ARF3: variants seen among roughly 807,000 people sequenced by gnomAD.
ARF3 encodes ADP-ribosylation factor 3.
In ARF3, 5 loss-of-function variants were observed where a neutral mutation model predicts 19.3. That is an observed-to-expected ratio of 0.26 (90% CI 0.14 to 0.54). The LOEUF (loss-of-function observed/expected upper bound fraction) is 0.54, where lower values mean the gene tolerates loss of function less well. Ranked by LOEUF, ARF3 falls within the 20% of genes least tolerant of loss-of-function variation. ARF3 has a pLI of 0.95. For synonymous variants in ARF3, 71 were observed against 89.2 expected (o/e 0.80, Z 1.15); for missense variants, 77 against 234.2 (o/e 0.33, Z 4.38).
chr12:48,941,938 GC>G (rs1319411648), intron 1 of ARF3, among the ~76,000 whole-genome samples: 4 of 152,178 alleles, frequency 2.6e-5, no homozygotes, highest in Admixed American at 2.6e-4. Flanking sequence ...CAAGGAGGGG[GC>G]TGTCCCACAT....
At chr12:48,947,054 A>G (rs1940370470) in intron 1 of ARF3, among the ~76,000 whole-genome samples, 1 of 152,224 alleles carries the variant, frequency 6.6e-6, no homozygotes, top group Non-Finnish European at 1.5e-5. Flanking sequence ...TATCACTAAG[A>G]GATGCTATTT....
chr12:48,949,584 TC>T (rs1940426947), intron 1 of ARF3, among the ~76,000 whole-genome samples: 1 of 151,884 alleles, frequency 6.6e-6, no homozygotes, highest in Non-Finnish European at 1.5e-5. Flanking sequence ...ACTCTACCAC[TC>T]AGACTAGAGT....
chr12:48,949,565 CAG>C (rs1308982345), intron 1 of ARF3, among the ~76,000 whole-genome samples: 2 of 151,860 alleles, frequency 1.3e-5, no homozygotes, highest in African/African-American at 4.8e-5. Flanking sequence ...TTTTTAGAAA[CAG>C]AGTCTCACTC....
At chr12:48,951,597 A>T (rs892340003) in intron 1 of ARF3, among the ~76,000 whole-genome samples, 3 of 132,908 alleles carry the variant, frequency 2.3e-5, no homozygotes, top group African/African-American at 8.4e-5. Flanking sequence ...AATAATAAAT[A>T]GGCCGGGCGC....
At chr12:48,940,394 C>T (rs1415703750) in intron 2 of ARF3, among the ~76,000 whole-genome samples, 1 of 152,192 alleles carries the variant, frequency 6.6e-6, no homozygotes, top group African/African-American at 2.4e-5. Flanking sequence ...TTGGTGCTCC[C>T]TCCTACAAAA....
chr12:48,939,754 A>G lies in ARF3; in HGVS notation c.285T>C (p.Asn95=). 1 of 1,614,130 alleles carries G rather than the reference A, an allele frequency of 6.2e-7. No homozygotes were observed. Among genetic ancestry groups the G allele is most frequent in the Non-Finnish European group, 8.5e-7 (1 of 1,180,030 alleles). ...GGGCCTCATTTACTCGCTCCCGATCATTGCTGTCGACCACAAATATCAACC... is the reference window on the plus strand; with the variant it reads ...GGGCCTCATTTACTCGCTCCCGATCGTTGCTGTCGACCACAAATATCAACC... ...TQGLIFVVDS[N]DRERVNEARE... Residue 95 remains asparagine (N), a synonymous_variant, in exon 4 of 5, where the codon AAT becomes AAC. Coordinates refer to ENST00000256682, the MANE Select transcript of ARF3 (RefSeq NM_001659.3). The surrounding 1 kb of genome is among the most constrained non-coding windows in gnomAD (Gnocchi z 4.8).
chr12:48,947,232 AT>A (rs1311492846), intron 1 of ARF3, among the ~76,000 whole-genome samples: 1 of 151,834 alleles, frequency 6.6e-6, no homozygotes, highest in African/African-American at 2.4e-5. Context: ...TATCTGAACT[AT>A]TTCGACTAGA....
At chr12:48,949,225 TTTG>T (rs1290241121) in intron 1 of ARF3, among the ~76,000 whole-genome samples, 2 of 152,018 alleles carry the variant, frequency 1.3e-5, no homozygotes, top group Non-Finnish European at 2.9e-5. Flanking sequence ...TGTTTGTTTG[TTTG>T]TTGTTGTTGT....
chr12:48,942,031 G>A (rs1592239721), intron 1 of ARF3, among the ~76,000 whole-genome samples: 1 of 152,178 alleles, frequency 6.6e-6, no homozygotes, highest in East Asian at 1.9e-4. Flanking sequence ...ATAGCATCTA[G>A]GGTGGTTTTA....
intron 1 of ARF3, among the ~76,000 whole-genome samples, chr12:48,942,114 C>T (rs1308721477): frequency 1.3e-5 from 2 of 152,126 alleles, no homozygotes; most frequent in African/African-American, 4.8e-5. Flanking sequence ...TTCAGTAAAA[C>T]CCAAGGCCCA....
intron 1 of ARF3, among the ~76,000 whole-genome samples, chr12:48,952,821 C>T (rs1164656585): frequency 2.6e-5 from 4 of 152,332 alleles, no homozygotes; most frequent in Non-Finnish European, 4.4e-5. Context: ...GCAGTATTCA[C>T]GTTTGTCTGT....
intron 1 of ARF3, among the ~76,000 whole-genome samples, chr12:48,941,745 A>G (rs1205731973): frequency 1.3e-5 from 2 of 152,210 alleles, no homozygotes; most frequent in Non-Finnish European, 2.9e-5. Flanking sequence ...CCACACCAAA[A>G]TAAAGGAGGA....
Position 48,939,638 on chromosome 12 carries a change from G to A in ARF3, c.384+17C>T. ...AGTTTGCTGTCTCCCAAATTCAGGG[G>A]TGGGAAGAAGTCTCACCTGTTTGTT... is the stretch of plus-strand genomic sequence containing the variant. On this transcript the variant is annotated intron_variant, in intron 4 of 4. Transcript: ENST00000256682. The surrounding 1 kb of genome is among the most constrained non-coding windows in gnomAD (Gnocchi z 4.8). 5.0e-6 allele frequency: 8 copies of A among 1,614,062 alleles called. No individual in the cohort carries two copies. Among genetic ancestry groups the A allele is most frequent in the Non-Finnish European group, 6.8e-6 (8 of 1,179,942 alleles).
rs1273585711 is a variant in ARF3 at position 48,939,181 on chromosome 12, A to G, written c.385-73T>C. On this transcript the variant is annotated intron_variant, in intron 4 of 4. Transcript: ENST00000256682. This position sits in a 1 kb window ranked among gnomAD's most constrained non-coding sequence, Gnocchi z 4.8. ...AGGCTTCTAGAACACCCATCTACCA[A>G]AGAAATGTGTACCAGCACCTTCCCC... The G allele has an allele frequency of 8.6e-6, 13 of 1,505,248 alleles. No individual in the cohort carries two copies. The highest frequency in any genetic ancestry group is 3.7e-4 in the Middle Eastern group (2 of 5,438). 93.2% of individuals were successfully genotyped at this position (1,505,248 alleles called of 1,614,324 possible). A position where few individuals can be genotyped will look rare whatever the true frequency, so the allele number is the denominator to read the frequency against.
intron 2 of ARF3, 84 bp from the exon 3 acceptor site, chr12:48,940,191 C>A (rs1940228920): frequency 2.6e-6 from 3 of 1,151,246 alleles, no homozygotes; most frequent in Non-Finnish European, 3.9e-6. Context: ...GTTCTGCTTT[C>A]CCCCAGTGGT....
chr12:48,952,208 C>T (rs1208864110), intron 1 of ARF3, among the ~76,000 whole-genome samples: 2 of 152,156 alleles, frequency 1.3e-5, no homozygotes, highest in African/African-American at 2.4e-5. Flanking sequence ...ACCTGAAGGA[C>T]GCCACAGCTG....
In ARF3 at chr12:48,939,620, T is replaced by C; in HGVS notation, c.384+35A>G. 2 of 1,613,496 alleles carry C rather than the reference T, an allele frequency of 1.2e-6. No homozygotes were observed. Among genetic ancestry groups the C allele is most frequent in the Non-Finnish European group, 1.7e-6 (2 of 1,179,436 alleles). On this transcript the variant is annotated intron_variant, in intron 4 of 4. Transcript: ENST00000256682. The surrounding 1 kb of genome is among the most constrained non-coding windows in gnomAD (Gnocchi z 4.8). ...CCAACAATTTCCACAGCCAGTTTGC[T>C]GTCTCCCAAATTCAGGGGTGGGAAG...
chr12:48,939,898 C>T lies in ARF3; in HGVS notation c.259+99G>A. ...GCTCCCTTTCCTCCCTTTCTTCTGC[C>T]CCCAGGAGCTGCAGCAGGGTAACAG... On this transcript the variant is annotated intron_variant, in intron 3 of 4. Transcript: ENST00000256682. The surrounding 1 kb of genome is among the most constrained non-coding windows in gnomAD (Gnocchi z 4.8). The T allele has an allele frequency of 1.3e-6, 2 of 1,590,278 alleles. No homozygotes were observed. Among genetic ancestry groups the T allele is most frequent in the Non-Finnish European group, 1.7e-6 (2 of 1,159,656 alleles).
chr12:48,953,953 C>G (rs759368844), intron 1 of ARF3, among the ~76,000 whole-genome samples: 4 of 152,198 alleles, frequency 2.6e-5, no homozygotes, highest in Non-Finnish European at 5.9e-5. Flanking sequence ...AACAGATACT[C>G]AAAAGCAGAC....
Sources: gnomAD v4.1 joint callset for allele counts (sites outside exome capture counted in the v4.1 genomes callset) on GRCh38, gnomAD v4.1.1 for gene constraint, Gnocchi (gnomAD v3.1) non-coding constraint, MANE v1.5 for transcripts, NCBI Gene and HGNC (gene_info 2026-07-23, HGNC 2026-07-21) for gene names.